SCAPER: variants seen among roughly 807,000 people sequenced by gnomAD.
SCAPER encodes S-phase cyclin A associated protein in the ER, also known as S phase cyclin A-associated protein in the endoplasmic reticulum.
In SCAPER, 98 loss-of-function variants were observed where a neutral mutation model predicts 182.2. The observed-to-expected ratio is 0.54, with a 90% CI of 0.46 to 0.64. The LOEUF is 0.64. Among genes scored for constraint, SCAPER ranks in the 30% least tolerant of loss-of-function variants. SCAPER has a pLI of 0.00. For synonymous variants in SCAPER, 605 were observed against 564.6 expected (o/e 1.07, Z -1.01); for missense variants, 1,432 against 1,690.0 (o/e 0.85, Z 2.68).
chr15:76,706,121 T>C (rs1325076424), intron 17 of SCAPER, 137 bp from the exon 18 acceptor site: 1 of 542,564 alleles, frequency 1.8e-6, no homozygotes, highest in Non-Finnish European at 3.1e-6. Flanking sequence ...TTAAAGTGCC[T>C]ACTAAGTCTC....
chr15:76,467,942 C>T (rs1189237156), intron 25 of SCAPER, among the ~76,000 whole-genome samples: 2 of 152,150 alleles, frequency 1.3e-5, no homozygotes, highest in Non-Finnish European at 2.9e-5. Flanking sequence ...ACCAGAAAGA[C>T]AACAGTACCT....
At chr15:76,497,109 CT>C (rs57202860) in intron 24 of SCAPER, among the ~76,000 whole-genome samples, 28 of 86,718 alleles carry the variant, frequency 3.2e-4, no homozygotes, top group South Asian at 4.5e-4. Context: ...TTGGTCTCCT[CT>C]TTTTTTTTTT....
intron 21 of SCAPER, among the ~76,000 whole-genome samples, chr15:76,629,205 CAA>C (rs2052867716): frequency 1.3e-5 from 2 of 152,234 alleles, no homozygotes; most frequent in South Asian, 4.1e-4. Context: ...CATCTGCGAA[CAA>C]AGACACTTTG....
chr15:76,604,411 T>C (rs2050178798), intron 22 of SCAPER, among the ~76,000 whole-genome samples: 1 of 109,702 alleles, frequency 9.1e-6, no homozygotes, highest in Non-Finnish European at 2.2e-5. Context: ...AGTACCATGC[T>C]GTTTTGGTTA....
chr15:76,849,700 A>G (rs1027251322), intron 4 of SCAPER, among the ~76,000 whole-genome samples: 2 of 152,158 alleles, frequency 1.3e-5, no homozygotes, highest in Admixed American at 6.5e-5. Context: ...CTTAAGCACC[A>G]CCTACTGGAT....
At chr15:76,595,844 G>A (rs2049454380) in intron 22 of SCAPER, among the ~76,000 whole-genome samples, 3 of 122,052 alleles carry the variant, frequency 2.5e-5, no homozygotes, top group South Asian at 5.0e-4. Flanking sequence ...AGCACTAAAT[G>A]CCCACAGGAG....
chr15:76,749,922 CA>C (rs2061995722), intron 15 of SCAPER, among the ~76,000 whole-genome samples: 2 of 151,262 alleles, frequency 1.3e-5, no homozygotes, highest in Non-Finnish European at 3.0e-5. Context: ...CTAAAATAGC[CA>C]AAATAGCTCA....
intron 23 of SCAPER, among the ~76,000 whole-genome samples, chr15:76,558,507 T>A (rs1204487896): frequency 6.6e-6 from 1 of 152,142 alleles, no homozygotes; most frequent in African/African-American, 2.4e-5. Context: ...TGGCTATCAT[T>A]AAAAAGTCAA....
intron 23 of SCAPER, among the ~76,000 whole-genome samples, chr15:76,539,106 T>C (rs767437132): frequency 6.6e-6 from 1 of 151,446 alleles, no homozygotes; most frequent in South Asian, 2.1e-4. Flanking sequence ...CTAAGCTGAA[T>C]GTTTTTGAAA....
chr15:76,896,836 C>A (rs1168052469), intron 1 of SCAPER, among the ~76,000 whole-genome samples: 2 of 152,118 alleles, frequency 1.3e-5, no homozygotes, highest in Non-Finnish European at 1.5e-5. Context: ...GTCCCAGCTC[C>A]TTGGGAGGCT....
rs2069425718 is a variant in SCAPER at position 76,841,031 on chromosome 15, A to C, written c.393+703T>G. 2.0e-5 allele frequency among the ~76,000 whole-genome samples: 3 copies of C among 152,204 alleles called. No homozygotes were observed. In the South Asian group the frequency reaches 6.2e-4, roughly 31 times the overall value. On this transcript the variant is annotated intron_variant, in intron 5 of 31. Coordinates refer to ENST00000563290, the MANE Select transcript of SCAPER (RefSeq NM_020843.4). ...AATGTCCAATTAGACATTAAACATG[A>C]AACCAAAGAATGTGAAATCTCACTA...
At chr15:76,378,714 A>T (rs557901508) in intron 28 of SCAPER, among the ~76,000 whole-genome samples, 1 of 152,220 alleles carries the variant, frequency 6.6e-6, no homozygotes, top group Non-Finnish European at 1.5e-5. Flanking sequence ...TCTGAGGCTA[A>T]GTCATAAAAA....
At chr15:76,559,204 T>G (rs59933950) in intron 23 of SCAPER, among the ~76,000 whole-genome samples, 2 of 38,520 alleles carry the variant, frequency 5.2e-5, no homozygotes, top group Non-Finnish European at 1.8e-4. Flanking sequence ...CCAGCTAATT[T>G]TTTTTTTTTT....
chr15:76,734,250 A>G (rs1251167341), intron 15 of SCAPER, among the ~76,000 whole-genome samples: 1 of 152,212 alleles, frequency 6.6e-6, no homozygotes, highest in Non-Finnish European at 1.5e-5. Flanking sequence ...TACAGATATT[A>G]TGAGTAAAGG....
intron 23 of SCAPER, among the ~76,000 whole-genome samples, chr15:76,508,402 T>C (rs1182589702): frequency 6.6e-6 from 1 of 152,212 alleles, no homozygotes; most frequent in African/African-American, 2.4e-5. Flanking sequence ...ACATGTGATA[T>C]GCAGCTATAT....
At position 76,464,602 on chromosome 15, in the gene SCAPER, G is replaced by GT. The variant is rs2049451956; in HGVS notation, c.3078+6609dup. Among the ~76,000 whole-genome samples the GT allele has an allele frequency of 3.9e-5, 6 of 152,182 alleles. No homozygotes were observed. The South Asian group carries it at 1.0e-3, about 26-fold the overall frequency. ...GACCTATGCAGTTCAAACTTGTAGT[G>GT]TTTAAGAGTCAATTGTATATGCCAC... On this transcript the variant is annotated intron_variant, in intron 25 of 31. Coordinates refer to ENST00000563290, the MANE Select transcript of SCAPER (RefSeq NM_020843.4).
intron 23 of SCAPER, among the ~76,000 whole-genome samples, chr15:76,521,515 A>G (rs762473754): frequency 2.0e-5 from 3 of 152,174 alleles, no homozygotes; most frequent in Non-Finnish European, 2.9e-5. Flanking sequence ...AACTGAAGTG[A>G]TAAGAAGAGT....
At chr15:76,734,620 G>A (rs1354378951) in intron 15 of SCAPER, among the ~76,000 whole-genome samples, 1 of 151,996 alleles carries the variant, frequency 6.6e-6, no homozygotes, top group Non-Finnish European at 1.5e-5. Flanking sequence ...GGCTACGCCT[G>A]TAATGCCAGC....
chr15:76,761,259 G>A (rs1810197359), intron 14 of SCAPER, among the ~76,000 whole-genome samples: 1 of 151,946 alleles, frequency 6.6e-6, no homozygotes, highest in Admixed American at 6.6e-5. Context: ...CTAAGAGTTT[G>A]ATTTTTTTCT....
Sources: gnomAD v4.1 joint callset for allele counts (sites outside exome capture counted in the v4.1 genomes callset) on GRCh38, gnomAD v4.1.1 for gene constraint, MANE v1.5 for transcripts, NCBI Gene and HGNC (gene_info 2026-07-23, HGNC 2026-07-21) for gene names.